Variants in FLRT2 observed in about 807,000 individuals in gnomAD.
The protein encoded by FLRT2 is leucine-rich repeat transmembrane protein FLRT2.
A neutral mutation model predicts 40.0 loss-of-function variants in FLRT2; 15 were observed. The observed-to-expected ratio is 0.38, with a 90% CI of 0.25 to 0.58. The LOEUF (loss-of-function observed/expected upper bound fraction) is 0.58. Ranked by LOEUF, FLRT2 falls within the 20% of genes least tolerant of loss-of-function variation. FLRT2 has a pLI of 0.71. For synonymous variants in FLRT2, 380 were observed against 336.8 expected (o/e 1.13, Z -1.41); for missense variants, 726 against 840.0 (o/e 0.86, Z 1.68).
chr14:85,606,675 C>G lies in FLRT2; in HGVS notation c.-376-14464C>G, dbSNP rs769277927. On this transcript the variant is annotated intron_variant, in intron 1 of 1. Coordinates refer to ENST00000330753, the MANE Select transcript of FLRT2 (RefSeq NM_013231.6). ...GAGTAGCTTGGATTACAGGCACGCACCACCACGCCCAGCTAATTTTTGTAT... is the reference window on the plus strand; with the variant it reads ...GAGTAGCTTGGATTACAGGCACGCAGCACCACGCCCAGCTAATTTTTGTAT... Among the ~76,000 whole-genome samples the G allele has an allele frequency of 6.6e-5, 10 of 151,610 alleles. No individual in the cohort carries two copies. The South Asian group carries it at 1.0e-3, about 16-fold the overall frequency.
At position 85,634,859 on chromosome 14, in the gene FLRT2, C is replaced by T. The variant is rs956747577; in HGVS notation, c.*11362C>T. On this transcript the variant is annotated 3_prime_UTR_variant, in exon 2 of 2. Coordinates refer to ENST00000330753, the MANE Select transcript of FLRT2 (RefSeq NM_013231.6). The stretch of plus-strand genomic sequence containing the variant: ...ATCTTGGATAAGACCACTTCTCTCT[C>T]GGGCTTGTTTCTTATAGTCAAAAGC... 3 of 152,120 alleles carry T rather than the reference C, an allele frequency of 2.0e-5. No individual in the cohort carries two copies. Among genetic ancestry groups the T allele is most frequent in the South Asian group, 2.1e-4 (1 of 4,818 alleles). 9.4% of individuals were successfully genotyped at this position (152,120 alleles called of 1,614,324 possible).
intron 1 of FLRT2, among the ~76,000 whole-genome samples, chr14:85,568,262 A>T (rs991110674): frequency 2.0e-5 from 3 of 151,996 alleles, no homozygotes; most frequent in African/African-American, 7.3e-5. Flanking sequence ...GGCAGAGCGC[A>T]TAGTTTTGGC....
intron 1 of FLRT2, among the ~76,000 whole-genome samples, chr14:85,581,220 T>C (rs1401863726): frequency 6.6e-6 from 1 of 152,164 alleles, no homozygotes; most frequent in Non-Finnish European, 1.5e-5. Context: ...AAAATGGAAA[T>C]GAGGCTTATG....
At chr14:85,569,095 G>A (rs2139858317) in intron 1 of FLRT2, among the ~76,000 whole-genome samples, 1 of 152,294 alleles carries the variant, frequency 6.6e-6, no homozygotes, top group South Asian at 2.1e-4. Context: ...CACAGGTGGT[G>A]GATTTTTAGG....
rs1893847522 is a variant in FLRT2 at position 85,630,765 on chromosome 14, T to G, written c.*7268T>G. The G allele has an allele frequency of 6.6e-6, 1 of 152,160 alleles. No individual in the cohort carries two copies. Among genetic ancestry groups the G allele is most frequent in the Admixed American group, 6.5e-5 (1 of 15,272 alleles). 9.4% of individuals were successfully genotyped at this position (152,160 alleles called of 1,614,324 possible). ...CACCACTGCATTTAAATAATCAGCC[T>G]AGGATTCTGCTAGTTCCAGCACCAG... is the stretch of plus-strand genomic sequence containing the variant. On this transcript the variant is annotated 3_prime_UTR_variant, in exon 2 of 2. Coordinates refer to ENST00000330753, the MANE Select transcript of FLRT2 (RefSeq NM_013231.6).
At position 85,639,087 on chromosome 14, in the gene FLRT2, A is replaced by G. The variant is rs1170337797; in HGVS notation, c.*15590A>G. 6.6e-6 allele frequency: 1 copy of G among 152,186 alleles called. No individual in the cohort carries two copies. Among genetic ancestry groups the G allele is most frequent in the African/African-American group, 2.4e-5 (1 of 41,458 alleles). The allele number at this position is 152,186 out of a possible 1,614,324, so 9.4% of individuals were successfully genotyped here. On this transcript the variant is annotated 3_prime_UTR_variant, in exon 2 of 2. Transcript: ENST00000330753. ...ATAGATAAAAACTAAACTGAAACCA[A>G]AAGAATTTCCAGAGCAGGCAGTCTC...
At position 85,644,154 on chromosome 14, in the gene FLRT2, T is replaced by A. The variant is rs1236607342; in HGVS notation, c.*20657T>A. 6.6e-6 allele frequency: 1 copy of A among 151,550 alleles called. No homozygotes were observed. The highest frequency in any genetic ancestry group is 1.5e-5 in the Non-Finnish European group (1 of 67,932). The allele number at this position is 151,550 out of a possible 1,614,324, so 9.4% of individuals were successfully genotyped here. On this transcript the variant is annotated 3_prime_UTR_variant, in exon 2 of 2. Coordinates refer to ENST00000330753, the MANE Select transcript of FLRT2 (RefSeq NM_013231.6). ...CATTTAACTTGATTTTTTTTTTTAA[T>A]CTATGAAGTAGTTGGCTATGTTTTG...
chr14:85,563,798 A>T (rs1250841386), intron 1 of FLRT2, among the ~76,000 whole-genome samples: 7 of 152,130 alleles, frequency 4.6e-5, no homozygotes, highest in Non-Finnish European at 8.8e-5. Context: ...AAATAGAAAA[A>T]CAGACAAACA....
chr14:85,614,409 C>G (rs149583923), intron 1 of FLRT2, among the ~76,000 whole-genome samples: 2 of 152,036 alleles, frequency 1.3e-5, no homozygotes, highest in Non-Finnish European at 2.9e-5. Flanking sequence ...GAGGTTAAGT[C>G]AGGTGCCCTT....
At chr14:85,565,827 C>A (rs1341332598) in intron 1 of FLRT2, among the ~76,000 whole-genome samples, 7 of 152,038 alleles carry the variant, frequency 4.6e-5, no homozygotes, top group Admixed American at 1.3e-4. Context: ...GGCCTTGGAA[C>A]CTGAAATGGA....
At chr14:85,555,073 G>A (rs1889870474) in intron 1 of FLRT2, among the ~76,000 whole-genome samples, 1 of 152,182 alleles carries the variant, frequency 6.6e-6, no homozygotes, top group Non-Finnish European at 1.5e-5. Flanking sequence ...TGTACTATGT[G>A]TATAAAAGCT....
At chr14:85,607,882 G>A (rs1892692342) in intron 1 of FLRT2, among the ~76,000 whole-genome samples, 1 of 152,000 alleles carries the variant, frequency 6.6e-6, no homozygotes, top group Non-Finnish European at 1.5e-5. Context: ...CACAATTCTG[G>A]TGGCTAGGAG....
Position 85,623,483 on chromosome 14 carries a change from C to T in FLRT2, c.1969C>T (p.His657Tyr). Reference sequence around the variant, plus strand: ...CAACAGCAGCGTGCCAGACCTGGAGCACTGCCATACGTGACAGCCAGAGGC... The same window carrying T: ...CAACAGCAGCGTGCCAGACCTGGAGTACTGCCATACGTGACAGCCAGAGGC... ...YCNSSVPDLEHCHT is the reference protein window; with the variant it reads ...YCNSSVPDLEYCHT The change falls in exon 2 of 2, where the codon CAC becomes TAC. Residue 657 changes from histidine (H) to tyrosine (Y), a missense_variant. Coordinates refer to ENST00000330753, the MANE Select transcript of FLRT2 (RefSeq NM_013231.6). The T allele has an allele frequency of 3.5e-6, 5 of 1,442,172 alleles. No individual in the cohort carries two copies. Among genetic ancestry groups the T allele is most frequent in the Non-Finnish European group, 4.6e-6 (5 of 1,097,218 alleles). 89.3% of individuals were successfully genotyped at this position (1,442,172 alleles called of 1,614,324 possible).
At position 85,643,359 on chromosome 14, in the gene FLRT2, C is replaced by CTTTCTT. The variant is rs1894210979; in HGVS notation, c.*19864_*19865insTCTTTT. 1 of 118,806 alleles carries CTTTCTT rather than the reference C, an allele frequency of 8.4e-6. No homozygotes were observed. Among genetic ancestry groups the CTTTCTT allele is most frequent in the African/African-American group, 3.5e-5 (1 of 28,678 alleles). 7.4% of individuals were successfully genotyped at this position (118,806 alleles called of 1,614,324 possible). Reference sequence around the variant, plus strand: ...TCTTTCTTTCTTTCTTTCTTTCTTCCTTCCTTCCTTCCTTCCTTTCTTTCC... The same window carrying CTTTCTT: ...TCTTTCTTTCTTTCTTTCTTTCTTCCTTTCTTTTCCTTCCTTCCTTCCTTTCTTTCC... On this transcript the variant is annotated 3_prime_UTR_variant, in exon 2 of 2. Transcript: ENST00000330753.
Position 85,625,071 on chromosome 14 carries a change from G to A in FLRT2, c.*1574G>A, listed in dbSNP as rs10145152. 0.97 allele frequency: 162,492 copies of A among 167,152 alleles called. 79,019 individuals are homozygous for A. The highest frequency in any genetic ancestry group is 0.98 in the Admixed American group (15,056 of 15,294). The allele number at this position is 167,152 out of a possible 1,614,324, so 10.4% of individuals were successfully genotyped here. ...AGGGCGTAGAAAAGAGAGGATGTCC[G>A]TGCTTAATTCTAGATACTTTTGAGA... On this transcript the variant is annotated 3_prime_UTR_variant, in exon 2 of 2. Transcript: ENST00000330753.
In FLRT2 at chr14:85,595,856, C is replaced by T. The variant is rs1892117155; in HGVS notation, c.-376-25283C>T. On this transcript the variant is annotated intron_variant, in intron 1 of 1. Coordinates refer to ENST00000330753, the MANE Select transcript of FLRT2 (RefSeq NM_013231.6). ...TTTCTGGTTTGCTATGTTTTCTTGA[C>T]TTCACATATATATTTTCTTGGTTCT... Among the ~76,000 whole-genome samples, 4 of 152,264 alleles carry T rather than the reference C, an allele frequency of 2.6e-5. No homozygotes were observed. The South Asian group carries it at 8.3e-4, about 32-fold the overall frequency.
chr14:85,589,874 C>T (rs1026416258), intron 1 of FLRT2, among the ~76,000 whole-genome samples: 4 of 152,030 alleles, frequency 2.6e-5, no homozygotes, highest in African/African-American at 9.7e-5. Context: ...ACTGTCTTTT[C>T]CCCAGCATAT....
intron 1 of FLRT2, among the ~76,000 whole-genome samples, chr14:85,570,229 T>C (rs902885621): frequency 6.6e-6 from 1 of 152,222 alleles, no homozygotes; most frequent in Admixed American, 6.5e-5. Flanking sequence ...CCTTGGTTTT[T>C]ATAGGCATCA....
chr14:85,573,328 C>T (rs1354677166), intron 1 of FLRT2, among the ~76,000 whole-genome samples: 2 of 152,082 alleles, frequency 1.3e-5, no homozygotes, highest in Non-Finnish European at 2.9e-5. Flanking sequence ...CTCTCTCTCT[C>T]ACATACACAC....
Sources: allele counts gnomAD v4.1 joint callset (sites outside exome capture counted in the v4.1 genomes callset), GRCh38; gene constraint gnomAD v4.1.1; transcripts MANE v1.5; gene names NCBI Gene and HGNC (gene_info 2026-07-23, HGNC 2026-07-21).